CNTNAP2: variants seen among roughly 807,000 people sequenced by gnomAD.
CNTNAP2 encodes contactin-associated protein-like 2.
A neutral mutation model predicts 155.2 loss-of-function variants in CNTNAP2; 98 were observed. The ratio of observed to expected loss-of-function variants is 0.63; its 90% CI spans 0.54 to 0.75. CNTNAP2 has a LOEUF of 0.75. CNTNAP2 is among the 30% of genes least tolerant of loss of function. CNTNAP2 has a pLI of 0.00. For missense variants in CNTNAP2, 1,727 were observed against 1,688.1 expected (o/e 1.02, Z -0.40); for synonymous variants, 651 against 631.2 (o/e 1.03, Z -0.47).
intron 10 of CNTNAP2, among the ~76,000 whole-genome samples, chr7:147,441,010 A>G (rs1380322291): frequency 6.6e-6 from 1 of 151,952 alleles, no homozygotes; most frequent in Non-Finnish European, 1.5e-5. Context: ...ATCTTTCTTT[A>G]GGCTTGGAAA....
At chr7:146,120,100 C>A (rs1262619066) in intron 1 of CNTNAP2, among the ~76,000 whole-genome samples, 1 of 151,760 alleles carries the variant, frequency 6.6e-6, no homozygotes, top group Non-Finnish European at 1.5e-5. Context: ...GTAACTAACG[C>A]AACAATATTA....
rs1294598560 is a variant in CNTNAP2, at chr7:147,760,994, CAGA to C, written c.2098+121695_2098+121697del. On this transcript the variant is annotated intron_variant, in intron 13 of 23. Transcript: ENST00000361727. ...TTATTCAACAAAGATAACTAGCACA[CAGA>C]AGAAGATTGCATTATGGATTCCGGC... Among the ~76,000 whole-genome samples, 17 of 152,276 alleles carry C rather than the reference CAGA, an allele frequency of 1.1e-4. No individual in the cohort carries two copies. In the South Asian group the frequency reaches 3.5e-3, roughly 32 times the overall value.
intron 13 of CNTNAP2, among the ~76,000 whole-genome samples, chr7:147,848,863 A>T (rs867811202): frequency 6.6e-6 from 1 of 152,160 alleles, no homozygotes; most frequent in Non-Finnish European, 1.5e-5. Flanking sequence ...CTCTCAATGA[A>T]TAACTGTATT....
In CNTNAP2 at chr7:146,302,763, A is replaced by G. The variant is rs1235726445; in HGVS notation, c.97+185790A>G. 2.6e-5 allele frequency among the ~76,000 whole-genome samples: 4 copies of G among 152,122 alleles called. 1 individual carries two copies. Among genetic ancestry groups the G allele is most frequent in the Middle Eastern group, 3.2e-3 (1 of 316 alleles). ...TGATGAATGTAGAGCTCTTACCATC[A>G]CCATCATCATCTTATTATTACTATG... On this transcript the variant is annotated intron_variant, in intron 1 of 23. Transcript: ENST00000361727.
intron 9 of CNTNAP2, among the ~76,000 whole-genome samples, chr7:147,342,348 A>ATC (rs10644758): frequency 0.39 from 59,561 of 151,918 alleles, 11,955 homozygotes; most frequent in South Asian, 0.49. Context: ...AAGAAAAAAT[A>ATC]TGTCTATAAA....
chr7:148,394,311 T>G (rs146920875), intron 22 of CNTNAP2, among the ~76,000 whole-genome samples: 23 of 152,254 alleles, frequency 1.5e-4, no homozygotes, highest in African/African-American at 4.8e-4. Flanking sequence ...TCTTCTAAAT[T>G]CCCTTCATTT....
chr7:148,401,772 G>A (rs769076082), intron 22 of CNTNAP2, among the ~76,000 whole-genome samples: 21 of 151,922 alleles, frequency 1.4e-4, no homozygotes, highest in Non-Finnish European at 2.4e-4. Context: ...CTACTTTTTT[G>A]TATTTTTAGT....
chr7:146,630,973 G>T (rs1365513965), intron 1 of CNTNAP2, among the ~76,000 whole-genome samples: 1 of 151,962 alleles, frequency 6.6e-6, no homozygotes, highest in Non-Finnish European at 1.5e-5. Context: ...TGTGAAAATG[G>T]CCATACTGCC....
chr7:148,252,062 T>C lies in CNTNAP2; in HGVS notation c.3382-14971T>C, dbSNP rs538469145. The stretch of plus-strand genomic sequence containing the variant: ...TCTTCAATACACATTCTCCTATACA[T>C]GCCTCATAGTCCTGATTAGGTTAGC... On this transcript the variant is annotated intron_variant, in intron 20 of 23. Coordinates refer to ENST00000361727, the MANE Select transcript of CNTNAP2 (RefSeq NM_014141.6). Among the ~76,000 whole-genome samples, 3 of 152,350 alleles carry C rather than the reference T, an allele frequency of 2.0e-5. No individual in the cohort carries two copies. The South Asian group carries it at 6.2e-4, about 32-fold the overall frequency.
chr7:146,529,632 C>T (rs930812624), intron 1 of CNTNAP2, among the ~76,000 whole-genome samples: 2 of 152,006 alleles, frequency 1.3e-5, no homozygotes, highest in Non-Finnish European at 2.9e-5. Flanking sequence ...GTGCTAAGCT[C>T]ACATGGGCAG....
At chr7:146,147,503 C>T (rs191134918) in intron 1 of CNTNAP2, among the ~76,000 whole-genome samples, 89 of 152,166 alleles carry the variant, frequency 5.8e-4, no homozygotes, top group African/African-American at 2.1e-3. Context: ...TAATGGCTTT[C>T]GTAATGCAGA....
chr7:146,914,748 G>A (rs367810087), intron 3 of CNTNAP2, among the ~76,000 whole-genome samples: 3 of 152,264 alleles, frequency 2.0e-5, no homozygotes, highest in African/African-American at 7.2e-5. Flanking sequence ...TCTGTGGGTT[G>A]TCTCTTCACT....
chr7:146,915,295 A>G (rs561089870), intron 3 of CNTNAP2, among the ~76,000 whole-genome samples: 7 of 152,036 alleles, frequency 4.6e-5, no homozygotes, highest in African/African-American at 1.7e-4. Flanking sequence ...GGCTGTGCAG[A>G]TTCTTTTCTG....
chr7:148,119,824 T>C (rs1249330786), intron 16 of CNTNAP2, among the ~76,000 whole-genome samples: 5 of 152,128 alleles, frequency 3.3e-5, no homozygotes, highest in African/African-American at 1.2e-4. Context: ...GTTATTGTAA[T>C]TATCATCTTC....
At chr7:146,333,214 G>T (rs1801214920) in intron 1 of CNTNAP2, among the ~76,000 whole-genome samples, 1 of 151,924 alleles carries the variant, frequency 6.6e-6, no homozygotes, top group African/African-American at 2.4e-5. Context: ...CAAAGTGTTG[G>T]GATTACTAGC....
At chr7:147,347,443 T>TATATATGC (rs1795889196) in intron 9 of CNTNAP2, among the ~76,000 whole-genome samples, 2 of 84,078 alleles carry the variant, frequency 2.4e-5, no homozygotes, top group South Asian at 1.1e-3. Context: ...TATATATGCA[T>TATATATGC]ATATATATAT....
chr7:148,352,793 C>A (rs1798450898), intron 21 of CNTNAP2, among the ~76,000 whole-genome samples: 1 of 152,228 alleles, frequency 6.6e-6, no homozygotes, highest in African/African-American at 2.4e-5. Flanking sequence ...CCGCCACTCT[C>A]ACCATGCACC....
At chr7:147,775,268 TATATATATATTTATAA>T (rs1584948828) in intron 13 of CNTNAP2, among the ~76,000 whole-genome samples, 1 of 93,144 alleles carries the variant, frequency 1.1e-5, no homozygotes, top group Non-Finnish European at 2.1e-5. Flanking sequence ...TAAATATATT[TATATATATATTTATAA>T]ATATATATAT....
At chr7:148,356,631 T>C (rs1204959521) in intron 21 of CNTNAP2, among the ~76,000 whole-genome samples, 1 of 152,202 alleles carries the variant, frequency 6.6e-6, no homozygotes, top group Non-Finnish European at 1.5e-5. Flanking sequence ...TCTCCTGATG[T>C]ATTTTCCTGA....
Sources: gnomAD v4.1 joint callset for allele counts (sites outside exome capture counted in the v4.1 genomes callset) on GRCh38, gnomAD v4.1.1 for gene constraint, MANE v1.5 for transcripts, NCBI Gene and HGNC (gene_info 2026-07-23, HGNC 2026-07-21) for gene names.